Variants in TRAPPC9 observed in about 807,000 individuals in gnomAD.
TRAPPC9 encodes IKK2 binding protein.
In TRAPPC9, 83 loss-of-function variants were observed where a neutral mutation model predicts 124.0. The ratio of observed to expected loss-of-function variants is 0.67; its 90% CI spans 0.56 to 0.80. The LOEUF is 0.80. TRAPPC9 is among the 30% of genes least tolerant of loss of function. The probability of loss-of-function intolerance (pLI) is 0.00; values close to 1 mark genes in which losing one functional copy is unlikely to be tolerated. For synonymous variants in TRAPPC9, 638 were observed against 617.5 expected, an observed-to-expected ratio of 1.03 and a Z score of -0.49; for missense variants, 1,302 against 1,508.3, an observed-to-expected ratio of 0.86 and a Z score of 2.27.
chr8:139,912,047 T>C (rs1288120433), intron 19 of TRAPPC9, among the ~76,000 whole-genome samples: 1 of 152,180 alleles, frequency 6.6e-6, no homozygotes, highest in East Asian at 1.9e-4. Flanking sequence ...AAAAAATCAC[T>C]TTTACTATTA....
chr8:140,013,740 C>T (rs1467246209), intron 18 of TRAPPC9, among the ~76,000 whole-genome samples: 1 of 152,190 alleles, frequency 6.6e-6, no homozygotes, highest in Admixed American at 6.5e-5. Flanking sequence ...AGGAAAATGA[C>T]AACCACCAAT....
chr8:139,946,775 T>A (rs1834250556), intron 19 of TRAPPC9, among the ~76,000 whole-genome samples: 1 of 150,392 alleles, frequency 6.6e-6, no homozygotes, highest in Admixed American at 6.6e-5. Flanking sequence ...GGTCAGGAGA[T>A]CGAGACCATC....
chr8:140,287,755 T>G (rs537516543), intron 12 of TRAPPC9, 21 bp from the exon 13 acceptor site: 45 of 1,613,976 alleles, frequency 2.8e-5, no homozygotes, highest in East Asian at 2.2e-5. Context: ...CGACGCAGCA[T>G]CGTAAGCCCG....
intron 9 of TRAPPC9, among the ~76,000 whole-genome samples, chr8:140,349,857 C>T (rs1006110272): frequency 3.9e-5 from 6 of 152,168 alleles, no homozygotes; most frequent in Non-Finnish European, 5.9e-5. Flanking sequence ...CCAGGTAGCC[C>T]GGCAACGGTA....
At chr8:140,228,604 C>A (rs1466586090) in intron 16 of TRAPPC9, among the ~76,000 whole-genome samples, 1 of 152,252 alleles carries the variant, frequency 6.6e-6, no homozygotes, top group Non-Finnish European at 1.5e-5. Context: ...ATGCTCCCTG[C>A]AGTGGGACCA....
intron 18 of TRAPPC9, among the ~76,000 whole-genome samples, chr8:140,013,164 G>A (rs185103835): frequency 1.6e-4 from 24 of 152,214 alleles, no homozygotes; most frequent in East Asian, 5.8e-4. Context: ...GTACCTGCTC[G>A]GCAGGTAAGG....
At chr8:140,033,685 T>TTTG (rs1363737660) in intron 17 of TRAPPC9, among the ~76,000 whole-genome samples, 1,865 of 117,360 alleles carry the variant, frequency 0.016, 76 homozygotes, top group Non-Finnish European at 0.023. Flanking sequence ...TTTTTTTTTT[T>TTTG]TTTTTTTTTT....
intron 10 of TRAPPC9, among the ~76,000 whole-genome samples, chr8:140,308,145 G>A (rs1037047096): frequency 3.9e-5 from 6 of 151,954 alleles, no homozygotes; most frequent in South Asian, 2.1e-4. Context: ...AAGCCTCAAC[G>A]AAGGAACAAA....
chr8:140,157,389 A>G (rs150587302), intron 17 of TRAPPC9, among the ~76,000 whole-genome samples: 130 of 149,854 alleles, frequency 8.7e-4, no homozygotes, highest in Admixed American at 2.1e-3. Flanking sequence ...TTTCCATTCA[A>G]AAGCCTTCCT....
At chr8:140,334,485 A>G (rs2132021367) in intron 9 of TRAPPC9, among the ~76,000 whole-genome samples, 1 of 152,184 alleles carries the variant, frequency 6.6e-6, no homozygotes, top group East Asian at 1.9e-4. Context: ...CCCCATCTCT[A>G]CTAAAAATAC....
chr8:140,438,357 GAAT>G (rs2070890823), intron 3 of TRAPPC9, among the ~76,000 whole-genome samples: 3 of 152,180 alleles, frequency 2.0e-5, no homozygotes. Context: ...TTTCATGGCT[GAAT>G]AATATTCCGC....
At chr8:139,954,067 C>T (rs1834828160) in intron 19 of TRAPPC9, among the ~76,000 whole-genome samples, 1 of 152,142 alleles carries the variant, frequency 6.6e-6, no homozygotes, top group South Asian at 2.1e-4. Context: ...ATTAATAGAA[C>T]TCTAGAAAGT....
intron 1 of TRAPPC9, 103 bp downstream of exon 1, chr8:140,457,536 G>A (rs2071726433): frequency 2.2e-6 from 2 of 915,916 alleles, no homozygotes; most frequent in Non-Finnish European, 2.6e-6. Context: ...TGAGGGCCGG[G>A]CGAGCCCCTC....
intron 17 of TRAPPC9, among the ~76,000 whole-genome samples, chr8:140,045,682 G>A (rs1325925607): frequency 6.9e-6 from 1 of 144,650 alleles, no homozygotes; most frequent in Non-Finnish European, 1.5e-5. Context: ...CTTTGCTTCT[G>A]CTTGGAGAAC....
chr8:139,913,099 G>A (rs73368154), intron 19 of TRAPPC9, among the ~76,000 whole-genome samples: 85 of 152,298 alleles, frequency 5.6e-4, no homozygotes, highest in African/African-American at 1.9e-3. Context: ...TGGATGCTGC[G>A]GCCACTGGAA....
intron 16 of TRAPPC9, among the ~76,000 whole-genome samples, chr8:140,222,642 T>G (rs1273471211): frequency 6.6e-6 from 1 of 152,190 alleles, no homozygotes; most frequent in Non-Finnish European, 1.5e-5. Flanking sequence ...GATACACCAT[T>G]TAACAGAAGA....
chr8:140,209,150 T>A (rs2062996960), intron 17 of TRAPPC9, among the ~76,000 whole-genome samples: 1 of 152,226 alleles, frequency 6.6e-6, no homozygotes. Flanking sequence ...ATCTCTGTGG[T>A]GAGGCCTCTG....
intron 17 of TRAPPC9, among the ~76,000 whole-genome samples, chr8:140,192,126 G>T (rs1030346403): frequency 6.6e-6 from 1 of 152,174 alleles, no homozygotes; most frequent in Non-Finnish European, 1.5e-5. Flanking sequence ...AATCAGCTGT[G>T]TTCATTTCTA....
chr8:140,105,285 T>G (rs2060644009), intron 17 of TRAPPC9, among the ~76,000 whole-genome samples: 1 of 152,164 alleles, frequency 6.6e-6, no homozygotes, highest in South Asian at 2.1e-4. Context: ...TATGGCAAAT[T>G]GATGGATGAA....
Sources: gnomAD v4.1 joint callset for allele counts (sites outside exome capture counted in the v4.1 genomes callset) on GRCh38, gnomAD v4.1.1 for gene constraint, MANE v1.5 for transcripts, NCBI Gene and HGNC (gene_info 2026-07-23, HGNC 2026-07-21) for gene names.